EIF5A: variants seen among roughly 807,000 people sequenced by gnomAD.
EIF5A encodes eukaryotic translation initiation factor 5A.
In EIF5A, 1 loss-of-function variant was observed where a neutral mutation model predicts 16.6. The ratio of observed to expected loss-of-function variants is 0.06; its 90% confidence interval spans 0.02 to 0.28. EIF5A has a LOEUF of 0.28. Among genes scored for constraint, EIF5A ranks in the 10% least tolerant of loss-of-function variants. The probability of loss-of-function intolerance (pLI) is 1.00; values close to 1 mark genes in which losing one functional copy is unlikely to be tolerated. For missense variants in EIF5A, 29 were observed against 196.1 expected (o/e 0.15, Z 5.09); for synonymous variants, 80 against 73.6 (o/e 1.09, Z -0.44).
chr17:7,309,842 A>T, intron 2 of EIF5A, 42 bp downstream of exon 2: 1 of 1,614,118 alleles, frequency 6.2e-7, no homozygotes, highest in Non-Finnish European at 8.5e-7. Flanking sequence ...CCATGCCTCC[A>T]GTATCTTTGG....
rs2072668157 is a variant in EIF5A, at chr17:7,307,749, C to T, written c.-25C>T. ...ACGGGGTCGAGTCAGTGCGTTCGCG[C>T]GAGGTGAGAGCGGGCAGGGCGCGTG... is the stretch of plus-strand genomic sequence containing the variant. On this transcript the variant is annotated 5_prime_UTR_variant, in exon 1 of 6. Coordinates refer to ENST00000336458, the MANE Select transcript of EIF5A (RefSeq NM_001970.5). 9.0e-6 allele frequency: 9 copies of T among 999,598 alleles called. No homozygotes were observed. The highest frequency in any genetic ancestry group is 3.6e-5 in the African/African-American group (2 of 55,282). The allele number at this position is 999,598 out of a possible 1,614,324, so 61.9% of individuals were successfully genotyped here.
In EIF5A at chr17:7,307,888, G is replaced by A. The variant is rs906354857; in HGVS notation, c.-22+136G>A. On this transcript the variant is annotated intron_variant, in intron 1 of 5. Transcript: ENST00000336458. ...CGGGTTCGGCCAGAGAGCGGCGCGA[G>A]GTGAGGAGAGGCGCGGGCGCGCGCC... 3 of 985,138 alleles carry A rather than the reference G, an allele frequency of 3.0e-6. No homozygotes were observed. In the African/African-American group the frequency reaches 5.3e-5, roughly 17 times the overall value. 61.0% of individuals were successfully genotyped at this position (985,138 alleles called of 1,614,324 possible).
At chr17:7,307,040 C>G, upstream of EIF5A, 2 of 1,591,894 alleles carry the variant, frequency 1.3e-6, no homozygotes, top group Non-Finnish European at 1.7e-6. Context: ...AAAGACATCT[C>G]CCGCGCATGT....
At position 7,311,132 on chromosome 17, in the gene EIF5A, T is replaced by C. The variant is rs1490289924; in HGVS notation, c.270+10T>C. On this transcript the variant is annotated intron_variant, in intron 3 of 5. Coordinates refer to ENST00000336458, the MANE Select transcript of EIF5A (RefSeq NM_001970.5). ...AAGGAATGACTTCCAGGTATGTAGA[T>C]GGTCTGGATGAGGATGGGTTAGCGG... The C allele has an allele frequency of 1.2e-6, 2 of 1,613,118 alleles. No homozygotes were observed. The highest frequency in any genetic ancestry group is 1.7e-6 in the Non-Finnish European group (2 of 1,179,440).
chr17:7,308,017 A>G, intron 1 of EIF5A: 13 of 983,612 alleles, frequency 1.3e-5, no homozygotes, highest in Non-Finnish European at 1.6e-5. Flanking sequence ...AGAGGCCGCC[A>G]GGCGGCCACG....
At chr17:7,307,173 T>C (rs1287800149), upstream of EIF5A, 2 of 1,513,160 alleles carry the variant, frequency 1.3e-6, no homozygotes, top group Non-Finnish European at 1.8e-6. Context: ...ACGCATGCGT[T>C]CTAGACGAGA....
At chr17:7,310,039 C>G (rs2072768620) in intron 2 of EIF5A, 1 of 1,494,242 alleles carries the variant, frequency 6.7e-7, no homozygotes, top group Non-Finnish European at 8.9e-7. Context: ...CTCCGTTTCT[C>G]CAGCTTTGTG....
intron 2 of EIF5A, chr17:7,310,578 T>G (rs528917655): frequency 9.3e-7 from 1 of 1,069,576 alleles, no homozygotes; most frequent in Non-Finnish European, 1.1e-6. Context: ...TAGTTATTTC[T>G]GATCTCCCTG....
Position 7,311,933 on chromosome 17 carries a change from C to T in EIF5A, c.*123C>T, listed in dbSNP as rs1013741497. 14 of 508,452 alleles carry T rather than the reference C, an allele frequency of 2.8e-5. No individual in the cohort carries two copies. Among genetic ancestry groups the T allele is most frequent in the Admixed American group, 1.8e-4 (5 of 27,722 alleles). 31.5% of individuals were successfully genotyped at this position (508,452 alleles called of 1,614,324 possible). A position where few individuals can be genotyped will look rare whatever the true frequency, so the allele number is the denominator to read the frequency against. On this transcript the variant is annotated 3_prime_UTR_variant, in exon 6 of 6. Transcript: ENST00000336458. ...GACTCCTCCTACACAATTTATTTGACGTTTTATTTTGGTTTTCCCCACCCC... is the reference window on the plus strand; with the variant it reads ...GACTCCTCCTACACAATTTATTTGATGTTTTATTTTGGTTTTCCCCACCCC...
chr17:7,308,707 A>G (rs2072715331), intron 1 of EIF5A: 1 of 689,404 alleles, frequency 1.5e-6, no homozygotes, highest in Non-Finnish European at 2.1e-6. Flanking sequence ...TCCCACCGTG[A>G]TAGGCGTTCT....
At chr17:7,311,309 T>G in intron 3 of EIF5A, 41 bp from the exon 4 acceptor site, 1 of 1,613,702 alleles carries the variant, frequency 6.2e-7, no homozygotes, top group Non-Finnish European at 8.5e-7. Flanking sequence ...TCAGCCTCCC[T>G]GGGCCTACTA....
chr17:7,309,183 C>CT (rs1272477379), intron 1 of EIF5A, among the ~76,000 whole-genome samples: 1 of 96,534 alleles, frequency 1.0e-5, no homozygotes, highest in Non-Finnish European at 2.3e-5. Flanking sequence ...TCTCCACCCT[C>CT]CCCCCCCCCA....
rs369336388 is a variant in EIF5A at position 7,311,641 on chromosome 17, C to G, written c.*1C>G. The G allele has an allele frequency of 1.1e-4, 175 of 1,614,076 alleles. No homozygotes were observed. The highest frequency in any genetic ancestry group is 2.2e-5 in the Non-Finnish European group (26 of 1,180,050). On this transcript the variant is annotated 3_prime_UTR_variant, in exon 5 of 6. Transcript: ENST00000336458. ...TGCAATCAAGGCCATGGCAAAATAA[C>G]TGGCTCCCAGGTGAGTGTGACAAAT...
intron 1 of EIF5A, chr17:7,308,667 C>T: frequency 1.0e-5 from 12 of 1,182,592 alleles, no homozygotes; most frequent in Non-Finnish European, 1.2e-5. Flanking sequence ...CCTGGGTGGA[C>T]AGCGCCTAAA....
At chr17:7,307,218 G>A (rs1216037595), upstream of EIF5A, 1 of 1,343,764 alleles carries the variant, frequency 7.4e-7, no homozygotes, top group Non-Finnish European at 1.0e-6. Context: ...TTCAACGCCT[G>A]GCGTACTGAC....
At position 7,309,648 on chromosome 17, in the gene EIF5A, T is replaced by G; in HGVS notation, c.13T>G (p.Leu5Val). 6.2e-7 allele frequency: 1 copy of G among 1,614,220 alleles called. No homozygotes were observed. Among genetic ancestry groups the G allele is most frequent in the Non-Finnish European group, 8.5e-7 (1 of 1,180,042 alleles). ...GAAGCCTCTTAAAATGGCAGATGAC[T>G]TGGACTTCGAGACAGGAGATGCAGG... MADD[L>V]DFETGDAGAS... The change falls in exon 2 of 6, where the codon TTG becomes GTG. Residue 5 changes from leucine (L) to valine (V), a missense_variant. By Grantham distance (32) the Leu-to-Val change is conservative. Transcript: ENST00000336458.
intron 2 of EIF5A, chr17:7,310,560 T>C (rs1404969697): frequency 8.3e-6 from 9 of 1,084,690 alleles, no homozygotes; most frequent in Non-Finnish European, 1.0e-5. Context: ...CCTTATTTTC[T>C]AGCTACATAG....
At chr17:7,307,029 G>A (rs1241676900), upstream of EIF5A, 4 of 1,581,138 alleles carry the variant, frequency 2.5e-6, no homozygotes, top group Non-Finnish European at 3.4e-6. Flanking sequence ...GAGTGGGGCG[G>A]AAAGACATCT....
chr17:7,310,943 G>A, intron 2 of EIF5A, 75 bp from the exon 3 acceptor site: 3 of 1,518,960 alleles, frequency 2.0e-6, no homozygotes, highest in South Asian at 1.3e-5. Context: ...CCCTCATCAG[G>A]CAAGGTCAAT....
Sources: allele counts gnomAD v4.1 joint callset (sites outside exome capture counted in the v4.1 genomes callset), GRCh38; gene constraint gnomAD v4.1.1; transcripts MANE v1.5; gene names NCBI Gene and HGNC (gene_info 2026-07-23, HGNC 2026-07-21).